The following TMEM108 variants were observed in gnomAD, a reference collection of about 807,000 sequenced individuals.
The protein encoded by TMEM108 is cancer/testis antigen 124.
In TMEM108, 12 loss-of-function variants were observed where a neutral mutation model predicts 35.1. The ratio of observed to expected loss-of-function variants is 0.34; its 90% CI spans 0.22 to 0.55. The LOEUF is 0.55. Among genes scored for constraint, TMEM108 ranks in the 20% least tolerant of loss-of-function variants. The pLI is 0.89. For synonymous variants in TMEM108, 287 were observed against 308.6 expected (o/e 0.93, Z 0.73); for missense variants, 680 against 753.3 (o/e 0.90, Z 1.14).
intron 3 of TMEM108, among the ~76,000 whole-genome samples, chr3:133,252,801 C>T (rs140713585): frequency 6.5e-4 from 99 of 152,306 alleles, no homozygotes; most frequent in African/African-American, 2.3e-3. Context: ...TCCATTCTTG[C>T]ATACAGTGTT....
intron 2 of TMEM108, among the ~76,000 whole-genome samples, chr3:133,197,352 G>A (rs2107821913): frequency 6.6e-6 from 1 of 152,250 alleles, no homozygotes; most frequent in Middle Eastern, 3.4e-3. Context: ...GGTTTATTTG[G>A]GAGGTGATAC....
At chr3:133,202,674 C>CATGCTATTT (rs1945688019) in intron 2 of TMEM108, among the ~76,000 whole-genome samples, 1 of 152,086 alleles carries the variant, frequency 6.6e-6, no homozygotes, top group South Asian at 2.1e-4. Context: ...GTACTAGTAC[C>CATGCTATTT]ATGCTATTTT....
chr3:133,313,526 T>A (rs915889778), intron 3 of TMEM108, among the ~76,000 whole-genome samples: 1 of 152,246 alleles, frequency 6.6e-6, no homozygotes. Flanking sequence ...GATACATTTT[T>A]AAATAAATAT....
intron 3 of TMEM108, among the ~76,000 whole-genome samples, chr3:133,366,953 G>C (rs907469390): frequency 1.3e-5 from 2 of 152,234 alleles, no homozygotes; most frequent in African/African-American, 4.8e-5. Context: ...GAGTCCAGTG[G>C]TGATGAGCTG....
At position 133,380,154 on chromosome 3, in the gene TMEM108, G is replaced by T. The variant is rs146881995; in HGVS notation, c.443G>T (p.Gly148Val). ...APTILLTKPP[G>V]ATSRPTTAPP... ...ACCATCCTGCTGACAAAGCCACCGG[G>T]GGCCACCAGCCGCCCCACCACAGCG... is the stretch of plus-strand genomic sequence containing the variant. Residue 148 changes from glycine (G) to valine (V), a missense_variant, in exon 4 of 6, where the codon GGG (glycine) becomes GTG (valine). Transcript: ENST00000321871. The surrounding 1 kb of genome is among the most constrained non-coding windows in gnomAD (Gnocchi z 5.3). 137 of 1,613,156 alleles carry T rather than the reference G, an allele frequency of 8.5e-5. No homozygotes were observed. In the African/African-American group the frequency reaches 1.7e-3, roughly 21 times the overall value.
intron 2 of TMEM108, among the ~76,000 whole-genome samples, chr3:133,163,605 C>G (rs936352798): frequency 6.6e-6 from 1 of 152,102 alleles, no homozygotes; most frequent in Non-Finnish European, 1.5e-5. Flanking sequence ...TATACAGGGG[C>G]TCACACTCAT....
rs79185914 is a variant in TMEM108 at position 133,221,375 on chromosome 3, C to G, written c.-46-7891C>G. ...AATGCTCCTATCACTCAGGAAATAA[C>G]AAAGGTCATAGGGGCTTTGTGTCAG... On this transcript the variant is annotated intron_variant, in intron 2 of 5. Coordinates refer to ENST00000321871, the MANE Select transcript of TMEM108 (RefSeq NM_023943.4). Among the ~76,000 whole-genome samples, 758 of 152,164 alleles carry G rather than the reference C, an allele frequency of 5.0e-3. 38 individuals are homozygous for G. In the East Asian group the frequency reaches 0.12, roughly 23 times the overall value.
At chr3:133,247,277 A>G (rs1295172847) in intron 3 of TMEM108, 1 of 152,174 alleles carries the variant, frequency 6.6e-6, no homozygotes, top group Non-Finnish European at 1.5e-5. Flanking sequence ...CAAGAATAAT[A>G]GAAGTGTCAG....
rs984327435 is a variant in TMEM108, at chr3:133,133,681, C to CT, written c.-47+87670dup. On this transcript the variant is annotated intron_variant, in intron 2 of 5. Coordinates refer to ENST00000321871, the MANE Select transcript of TMEM108 (RefSeq NM_023943.4). ...AGTGGCAGAGTTTTCTTTTTTTTTCCTTTTTTTTTCTTTCTTTTTTTTTTT... is the reference window on the plus strand; with the variant it reads ...AGTGGCAGAGTTTTCTTTTTTTTTCCTTTTTTTTTTCTTTCTTTTTTTTTTT... 1.7e-4 allele frequency among the ~76,000 whole-genome samples: 26 copies of CT among 149,174 alleles called. 1 individual carries two copies. The South Asian group carries it at 2.1e-3, about 12-fold the overall frequency.
chr3:133,254,587 A>G (rs996587217), intron 3 of TMEM108, among the ~76,000 whole-genome samples: 1 of 152,220 alleles, frequency 6.6e-6, no homozygotes, highest in Admixed American at 6.5e-5. Context: ...AAAGCAAGCT[A>G]TGATAAGCAA....
chr3:133,145,948 A>C (rs1944713249), intron 2 of TMEM108, among the ~76,000 whole-genome samples: 1 of 152,222 alleles, frequency 6.6e-6, no homozygotes, highest in Admixed American at 6.5e-5. Context: ...CTATTTGAAT[A>C]CGCTTTATTT....
intron 3 of TMEM108, among the ~76,000 whole-genome samples, chr3:133,358,665 T>A (rs2107788082): frequency 6.6e-6 from 1 of 152,128 alleles, no homozygotes; most frequent in African/African-American, 2.4e-5. Flanking sequence ...CTTTGAGCAG[T>A]TATTCATTCT....
chr3:133,307,606 C>T (rs2071061184), intron 3 of TMEM108, among the ~76,000 whole-genome samples: 1 of 152,126 alleles, frequency 6.6e-6, no homozygotes, highest in Non-Finnish European at 1.5e-5. Flanking sequence ...CCAGTTTTCT[C>T]AGCACCATTT....
intron 2 of TMEM108, among the ~76,000 whole-genome samples, chr3:133,171,294 T>C (rs1193752377): frequency 1.3e-5 from 2 of 152,234 alleles, no homozygotes; most frequent in African/African-American, 2.4e-5. Flanking sequence ...CACAATAATA[T>C]AAACAAGTTT....
chr3:133,144,905 A>G (rs534724149), intron 2 of TMEM108, among the ~76,000 whole-genome samples: 287 of 152,146 alleles, frequency 1.9e-3, no homozygotes, highest in African/African-American at 6.7e-3. Flanking sequence ...ATTTTCTCCC[A>G]TTCTGTAGGT....
chr3:133,356,179 A>G (rs1291519060), intron 3 of TMEM108, among the ~76,000 whole-genome samples: 1 of 152,166 alleles, frequency 6.6e-6, no homozygotes, highest in Non-Finnish European at 1.5e-5. Context: ...TACACCAAAA[A>G]CAACCAAGCT....
chr3:133,136,200 T>C (rs1944562364), intron 2 of TMEM108, among the ~76,000 whole-genome samples: 1 of 152,222 alleles, frequency 6.6e-6, no homozygotes, highest in Admixed American at 6.5e-5. Flanking sequence ...TGCAAAATTA[T>C]TGCTTCTGAG....
chr3:133,185,852 C>G (rs187485558), intron 2 of TMEM108, among the ~76,000 whole-genome samples: 1 of 149,482 alleles, frequency 6.7e-6, no homozygotes, highest in African/African-American at 2.5e-5. Context: ...ACTGCAACCT[C>G]TCCCTCCCAG....
chr3:133,380,105 C>G lies in TMEM108; in HGVS notation c.394C>G (p.Arg132Gly). The G allele has an allele frequency of 6.2e-7, 1 of 1,614,006 alleles. No individual in the cohort carries two copies. Among genetic ancestry groups the G allele is most frequent in the East Asian group, 2.2e-5 (1 of 44,860 alleles). ...MATTSSKPEG[R>G]PRGQAAPTIL... The stretch of plus-strand genomic sequence containing the variant: ...AACCACATCCTCCAAGCCAGAGGGC[C>G]GCCCTCGAGGGCAGGCTGCCCCCAC... Residue 132 changes from arginine (R) to glycine (G), a missense_variant, in exon 4 of 6, where the codon CGC (arginine) becomes GGC (glycine). Arg to Gly is a moderately radical substitution (Grantham distance 125, BLOSUM62 -2). Coordinates refer to ENST00000321871, the MANE Select transcript of TMEM108 (RefSeq NM_023943.4). The surrounding 1 kb of genome is among the most constrained non-coding windows in gnomAD (Gnocchi z 5.3).
Sources: gnomAD v4.1 joint callset for allele counts (sites outside exome capture counted in the v4.1 genomes callset) on GRCh38, gnomAD v4.1.1 for gene constraint, Gnocchi (gnomAD v3.1) non-coding constraint, MANE v1.5 for transcripts, NCBI Gene and HGNC (gene_info 2026-07-23, HGNC 2026-07-21) for gene names.